Variants in DLC1 observed in about 807,000 individuals in gnomAD.
DLC1 encodes the protein rho GTPase-activating protein 7.
A neutral mutation model predicts 140.3 loss-of-function variants in DLC1; 54 were observed. That is an observed-to-expected ratio of 0.38 (90% CI 0.31 to 0.48). The LOEUF is 0.48. DLC1 is among the 20% of genes least tolerant of loss of function. The probability of loss-of-function intolerance (pLI) is 0.96; values close to 1 mark genes in which losing one functional copy is unlikely to be tolerated. For synonymous variants in DLC1, 986 were observed against 728.1 expected (o/e 1.35, Z -5.70); for missense variants, 2,536 against 1,907.0 (o/e 1.33, Z -6.14).
At chr8:13,501,128 A>T (rs1422783450) in intron 1 of DLC1, among the ~76,000 whole-genome samples, 2 of 152,220 alleles carry the variant, frequency 1.3e-5, no homozygotes, top group Non-Finnish European at 1.5e-5. Flanking sequence ...TATGACTATA[A>T]GACAATTGGG....
At chr8:13,273,354 C>T (rs781143774) in intron 5 of DLC1, among the ~76,000 whole-genome samples, 3 of 152,192 alleles carry the variant, frequency 2.0e-5, no homozygotes, top group Non-Finnish European at 4.4e-5. Context: ...AAACTCAATA[C>T]CATCCTCTGC....
At chr8:13,210,971 C>A (rs913606461) in intron 5 of DLC1, among the ~76,000 whole-genome samples, 1 of 152,118 alleles carries the variant, frequency 6.6e-6, no homozygotes, top group Admixed American at 6.6e-5. Context: ...TCTAGACTTA[C>A]AACTACTAAA....
chr8:13,155,362 A>AT (rs1824176871), intron 5 of DLC1, among the ~76,000 whole-genome samples: 1 of 120,338 alleles, frequency 8.3e-6, no homozygotes, highest in Admixed American at 7.9e-5. Context: ...CAAAAAGCAA[A>AT]TGAAAAATAA....
Position 13,499,280 on chromosome 8 carries a change from G to T in DLC1, c.792C>A (p.Asn264Lys), listed in dbSNP as rs748100448. 3.8e-5 allele frequency: 62 copies of T among 1,614,018 alleles called. No individual in the cohort carries two copies. The highest frequency in any genetic ancestry group is 1.0e-5 in the Non-Finnish European group (12 of 1,180,008). The change falls in exon 2 of 18, where the codon AAC (asparagine) becomes AAA (lysine). Residue 264 changes from asparagine to lysine, a missense_variant. Asn to Lys is a moderately conservative substitution (Grantham distance 94, BLOSUM62 0). Coordinates refer to ENST00000276297, the MANE Select transcript of DLC1 (RefSeq NM_182643.3). ...QNEFLDTPCT[N>K]RGLPLLKTDF... ...CTGTTTTTAATAATGGCAGTCCTCTGTTTGTGCAAGGAGTATCCAAGAACT... is the reference window on the plus strand; with the variant it reads ...CTGTTTTTAATAATGGCAGTCCTCTTTTTGTGCAAGGAGTATCCAAGAACT...
At chr8:13,595,290 C>T (rs553645446) in intron 1 of DLC1, among the ~76,000 whole-genome samples, 1 of 152,030 alleles carries the variant, frequency 6.6e-6, no homozygotes, top group Non-Finnish European at 1.5e-5. Flanking sequence ...GGTGACAATT[C>T]TTCCCACTGT....
chr8:13,504,121 AT>A (rs370240794), intron 1 of DLC1, among the ~76,000 whole-genome samples: 4,713 of 126,410 alleles, frequency 0.037, 84 homozygotes, highest in Middle Eastern at 0.051. Context: ...ATTTCAGAGA[AT>A]TTTTTTTTTT....
intron 4 of DLC1, among the ~76,000 whole-genome samples, chr8:13,309,258 A>G (rs10503448): frequency 0.051 from 7,777 of 152,210 alleles, 249 homozygotes; most frequent in South Asian, 0.12. Flanking sequence ...TTATTTCTCA[A>G]TGGAACAAAG....
intron 5 of DLC1, among the ~76,000 whole-genome samples, chr8:13,135,339 C>T (rs1052546862): frequency 2.6e-5 from 4 of 151,774 alleles, no homozygotes; most frequent in African/African-American, 9.7e-5. Flanking sequence ...CGCCACCACA[C>T]CCAGCTAATT....
intron 1 of DLC1, among the ~76,000 whole-genome samples, chr8:13,520,015 A>T (rs1802714534): frequency 6.6e-6 from 1 of 152,162 alleles, no homozygotes; most frequent in Admixed American, 6.5e-5. Context: ...ACACTTTTAC[A>T]CCGTTGGTGG....
rs528746989 is a variant in DLC1, at chr8:13,377,579, C to G, written c.1314+15974G>C. On this transcript the variant is annotated intron_variant, in intron 4 of 17. Transcript: ENST00000276297. Reference sequence around the variant, plus strand: ...TCCTAAGACATCAATTTTTATAGACCTAGAGCAAAGTCAAATATTCCCTTA... The same window carrying G: ...TCCTAAGACATCAATTTTTATAGACGTAGAGCAAAGTCAAATATTCCCTTA... 1.5e-4 allele frequency among the ~76,000 whole-genome samples: 23 copies of G among 152,158 alleles called. No individual in the cohort carries two copies. In the East Asian group the frequency reaches 2.3e-3, roughly 15 times the overall value.
At chr8:13,171,775 C>T (rs541909208) in intron 5 of DLC1, among the ~76,000 whole-genome samples, 2 of 152,056 alleles carry the variant, frequency 1.3e-5, no homozygotes, top group East Asian at 1.9e-4. Context: ...CAAGGCCTTG[C>T]GGAGGGTATA....
intron 5 of DLC1, among the ~76,000 whole-genome samples, chr8:13,245,893 A>G (rs56303001): frequency 0.2 from 29,947 of 151,706 alleles, 3,397 homozygotes; most frequent in African/African-American, 0.31. Context: ...GTAGAGATGC[A>G]GTTTCACCAT....
intron 5 of DLC1, among the ~76,000 whole-genome samples, chr8:13,223,229 C>G (rs2117166384): frequency 6.6e-6 from 1 of 151,994 alleles, no homozygotes; most frequent in South Asian, 2.1e-4. Context: ...GAGCAGTACA[C>G]ATAGTTGGAA....
chr8:13,284,229 A>G (rs1402653002), intron 5 of DLC1, among the ~76,000 whole-genome samples: 2 of 152,190 alleles, frequency 1.3e-5, no homozygotes, highest in African/African-American at 4.8e-5. Context: ...AGAAAGAAAA[A>G]AATAGTTAAG....
chr8:13,549,727 T>C (rs543476562), intron 1 of DLC1, among the ~76,000 whole-genome samples: 5 of 152,096 alleles, frequency 3.3e-5, no homozygotes, highest in Admixed American at 6.6e-5. Flanking sequence ...GCTAAACTAA[T>C]CTCCAGAAGA....
intron 2 of DLC1, among the ~76,000 whole-genome samples, chr8:13,440,992 G>C (rs1402111564): frequency 6.6e-6 from 1 of 152,014 alleles, no homozygotes; most frequent in South Asian, 2.1e-4. Context: ...ACACTTTCTT[G>C]GATAGCAAAC....
intron 1 of DLC1, among the ~76,000 whole-genome samples, chr8:13,540,918 A>G (rs1040957868): frequency 1.3e-5 from 2 of 152,234 alleles, no homozygotes; most frequent in African/African-American, 4.8e-5. Context: ...TATATCATAA[A>G]TGCAGGTTCT....
chr8:13,350,103 G>A (rs770962436), intron 4 of DLC1, among the ~76,000 whole-genome samples: 3 of 152,138 alleles, frequency 2.0e-5, no homozygotes, highest in Non-Finnish European at 4.4e-5. Context: ...ATCAAATGAC[G>A]CCTCTGTGGC....
At position 13,110,729 on chromosome 8, in the gene DLC1, C is replaced by T. The variant is rs562002252; in HGVS notation, c.1502+13G>A. 24 of 1,610,504 alleles carry T rather than the reference C, an allele frequency of 1.5e-5. No homozygotes were observed. The highest frequency in any genetic ancestry group is 2.0e-5 in the Non-Finnish European group (23 of 1,177,808). Reference sequence around the variant, plus strand: ...AAATAAAAAAGGAAAACACTCAAAACGTGTCCATTTACCTGCATAGAGCCT... The same window carrying T: ...AAATAAAAAAGGAAAACACTCAAAATGTGTCCATTTACCTGCATAGAGCCT... On this transcript the variant is annotated intron_variant, in intron 7 of 17. Transcript: ENST00000276297.
Sources: gnomAD v4.1 joint callset for allele counts (sites outside exome capture counted in the v4.1 genomes callset) on GRCh38, gnomAD v4.1.1 for gene constraint, MANE v1.5 for transcripts, NCBI Gene and HGNC (gene_info 2026-07-23, HGNC 2026-07-21) for gene names.